SMPD3: variants seen among roughly 807,000 people sequenced by gnomAD.
SMPD3 encodes the protein nSMase-2.
In SMPD3, 21 loss-of-function variants were observed where a neutral mutation model predicts 55.7. The ratio of observed to expected loss-of-function variants is 0.38; its 90% CI spans 0.27 to 0.54. The LOEUF is 0.54. Ranked by LOEUF, SMPD3 falls within the 20% of genes least tolerant of loss-of-function variation. SMPD3 has a pLI of 0.80. For missense variants in SMPD3, 842 were observed against 899.6 expected (o/e 0.94, Z 0.82); for synonymous variants, 457 against 404.3 (o/e 1.13, Z -1.56).
chr16:68,435,170 CTT>C (rs2152031793), intron 1 of SMPD3, among the ~76,000 whole-genome samples: 1 of 152,226 alleles, frequency 6.6e-6, no homozygotes, highest in South Asian at 2.1e-4. Flanking sequence ...GGGATGAACT[CTT>C]TGCAGAGAGA....
intron 1 of SMPD3, among the ~76,000 whole-genome samples, chr16:68,427,742 TA>T (rs2090447233): frequency 7.4e-6 from 1 of 134,910 alleles, no homozygotes; most frequent in Non-Finnish European, 1.7e-5. Flanking sequence ...GATGGGGAGT[TA>T]AAAATGACTG....
intron 1 of SMPD3, among the ~76,000 whole-genome samples, chr16:68,416,846 A>C (rs925356483): frequency 6.6e-6 from 1 of 151,954 alleles, no homozygotes; most frequent in African/African-American, 2.4e-5. Context: ...GCTGGTCCTG[A>C]GGCCTGTCAG....
At chr16:68,411,337 C>G (rs1161829431) in intron 1 of SMPD3, among the ~76,000 whole-genome samples, 1 of 151,914 alleles carries the variant, frequency 6.6e-6, no homozygotes, top group Non-Finnish European at 1.5e-5. Flanking sequence ...GGCGGCCACA[C>G]TGCCTGGCCA....
At position 68,404,287 on chromosome 16, in the gene SMPD3, A is replaced by G. The variant is rs1330437022; in HGVS notation, c.-268-17628T>C. 6.7e-6 allele frequency among the ~76,000 whole-genome samples: 1 copy of G among 149,158 alleles called. No homozygotes were observed. Among genetic ancestry groups the G allele is most frequent in the Non-Finnish European group, 1.5e-5 (1 of 67,648 alleles). On this transcript the variant is annotated intron_variant, in intron 1 of 8. Transcript: ENST00000219334. The surrounding 1 kb of genome is among the most constrained non-coding windows in gnomAD (Gnocchi z 4.0). ...GGCTAATTTTGTATTTTTAGTAGAG[A>G]TGGGGTTTCTCCATGTCGGTCAGGC...
At chr16:68,388,947 T>G (rs1246470401) in intron 1 of SMPD3, among the ~76,000 whole-genome samples, 1 of 152,078 alleles carries the variant, frequency 6.6e-6, no homozygotes, top group Non-Finnish European at 1.5e-5. Flanking sequence ...TGGGAAAAAT[T>G]CAATCAGAGC....
Position 68,359,073 on chromosome 16 carries a change from C to CCTGA in SMPD3, c.*2129_*2132dup, listed in dbSNP as rs2089056676. 6.6e-6 allele frequency: 1 copy of CCTGA among 152,626 alleles called. No individual in the cohort carries two copies. Among genetic ancestry groups the CCTGA allele is most frequent in the Non-Finnish European group, 1.5e-5 (1 of 68,116 alleles). 9.5% of individuals were successfully genotyped at this position (152,626 alleles called of 1,614,324 possible). A position where few individuals can be genotyped will look rare whatever the true frequency, so the allele number is the denominator to read the frequency against. On this transcript the variant is annotated 3_prime_UTR_variant, in exon 9 of 9. Coordinates refer to ENST00000219334, the MANE Select transcript of SMPD3 (RefSeq NM_018667.4). ...AGGTGGGAGGGGAGGAGCATGCAGC[C>CCTGA]CTGACTCCCACGCCTGCTGCCCCGG...
intron 1 of SMPD3, among the ~76,000 whole-genome samples, chr16:68,387,440 C>A (rs1326743068): frequency 6.6e-6 from 1 of 152,102 alleles, no homozygotes. Context: ...CACACTTGGG[C>A]CCCAGTCCCA....
At chr16:68,380,265 C>T (rs528937691) in intron 2 of SMPD3, among the ~76,000 whole-genome samples, 15 of 152,366 alleles carry the variant, frequency 9.8e-5, no homozygotes, top group African/African-American at 2.9e-4. Context: ...GGCAGAAGCC[C>T]GCAGGGCTCC....
At chr16:68,386,953 G>A (rs952189369) in intron 1 of SMPD3, among the ~76,000 whole-genome samples, 2 of 152,194 alleles carry the variant, frequency 1.3e-5, no homozygotes, top group Admixed American at 6.5e-5. Context: ...AGCCCTCCAC[G>A]TCGACACTGG....
In SMPD3 at chr16:68,361,751, T is replaced by C. The variant is rs750352174; in HGVS notation, c.1718A>G (p.Glu573Gly). ...CTPDNLQKVL[E>G]SEEGRREYLA... ...GTACTCCCTGCGGCCCTCCTCACTC[T>C]CCAGGACCCTGTCCACACATGCAGG... Residue 573 changes from glutamate to glycine, a missense_variant, in exon 8 of 9, where the codon GAG becomes GGG. Around this residue, in one of 2 missense-constraint regions of SMPD3, gnomAD observed 649 missense variants for 643.6 expected, o/e 1.01. Transcript: ENST00000219334. 1 of 1,610,680 alleles carries C rather than the reference T, an allele frequency of 6.2e-7. No individual in the cohort carries two copies. The highest frequency in any genetic ancestry group is 8.5e-7 in the Non-Finnish European group (1 of 1,178,992).
intron 1 of SMPD3, among the ~76,000 whole-genome samples, chr16:68,436,097 A>T (rs373362291): frequency 2.6e-5 from 4 of 152,190 alleles, no homozygotes; most frequent in African/African-American, 9.7e-5. Context: ...GATCAAAGTC[A>T]TTACTCTAAC....
intron 5 of SMPD3, chr16:68,364,319 T>G: frequency 4.5e-6 from 1 of 220,948 alleles, no homozygotes. Context: ...CTTGGGCTGG[T>G]TCTCCAGCCT....
chr16:68,443,752 G>C (rs187211838), intron 1 of SMPD3, among the ~76,000 whole-genome samples: 1 of 152,186 alleles, frequency 6.6e-6, no homozygotes, highest in Non-Finnish European at 1.5e-5. Flanking sequence ...TAGTGGGTCC[G>C]CAATCCTATT....
intron 2 of SMPD3, among the ~76,000 whole-genome samples, chr16:68,383,029 G>A (rs2089981367): frequency 6.6e-6 from 1 of 152,252 alleles, no homozygotes; most frequent in African/African-American, 2.4e-5. Context: ...AGTAGAGATC[G>A]GGTTCCACCA....
Position 68,371,882 on chromosome 16 carries a change from C to T in SMPD3, c.300G>A (p.Leu100=). ...SARRPYIYSR[L]EDKGLAGGAA... ...CCCCACCGGCCAGGCCCTTGTCTTCCAGCCGTGAATAGATGTAGGGCCGGC... is the reference window on the plus strand; with the variant it reads ...CCCCACCGGCCAGGCCCTTGTCTTCTAGCCGTGAATAGATGTAGGGCCGGC... The change falls in exon 3 of 9, where the codon CTG becomes CTA. Residue 100 remains leucine, a synonymous_variant. Transcript: ENST00000219334. 6.2e-7 allele frequency: 1 copy of T among 1,609,562 alleles called. No homozygotes were observed. Among genetic ancestry groups the T allele is most frequent in the Non-Finnish European group, 8.5e-7 (1 of 1,178,886 alleles).
In SMPD3 at chr16:68,412,384, C is replaced by A. The variant is rs554141302; in HGVS notation, c.-268-25725G>T. 2.0e-5 allele frequency among the ~76,000 whole-genome samples: 3 copies of A among 152,328 alleles called. No homozygotes were observed. The South Asian group carries it at 6.2e-4, about 32-fold the overall frequency. On this transcript the variant is annotated intron_variant, in intron 1 of 8. Transcript: ENST00000219334. The stretch of plus-strand genomic sequence containing the variant: ...ACCCACAAGTGACCAAACCACCTAA[C>A]ATCAAACATGTAAAGGGTCCAGATC...
chr16:68,408,351 T>C (rs970272491), intron 1 of SMPD3, among the ~76,000 whole-genome samples: 2 of 152,254 alleles, frequency 1.3e-5, no homozygotes, highest in Non-Finnish European at 2.9e-5. Context: ...ATGTGACTAC[T>C]GTTACCTTTG....
chr16:68,446,864 A>C (rs867534142), intron 1 of SMPD3, among the ~76,000 whole-genome samples: 6 of 152,186 alleles, frequency 3.9e-5, no homozygotes, highest in Non-Finnish European at 7.4e-5. Context: ...CCTGGTCACC[A>C]TCGCGTGCAC....
At chr16:68,430,889 T>A (rs1346036515) in intron 1 of SMPD3, among the ~76,000 whole-genome samples, 1 of 152,200 alleles carries the variant, frequency 6.6e-6, no homozygotes, top group Non-Finnish European at 1.5e-5. Flanking sequence ...CTGCAGAATG[T>A]CGTGTCAAGT....
Sources: allele counts gnomAD v4.1 joint callset (sites outside exome capture counted in the v4.1 genomes callset), GRCh38; gene constraint gnomAD v4.1.1; regional missense constraint gnomAD v4.1.1; non-coding constraint Gnocchi (gnomAD v3.1); transcripts MANE v1.5; gene names NCBI Gene and HGNC (gene_info 2026-07-23, HGNC 2026-07-21).